LINGO2: variants seen among roughly 807,000 people sequenced by gnomAD.
LINGO2 encodes the protein leucine rich repeat and Ig domain containing 2, also known as leucine-rich repeat and immunoglobulin-like domain-containing nogo receptor-interacting protein 2.
Under a neutral mutation model 30.6 loss-of-function variants are expected in LINGO2, and 14 were observed. That is an observed-to-expected ratio of 0.46 (90% confidence interval 0.30 to 0.72). LINGO2 has a LOEUF of 0.72. Among genes scored for constraint, LINGO2 ranks in the 30% least tolerant of loss-of-function variants. The probability of loss-of-function intolerance (pLI) is 0.07; values close to 1 mark genes in which losing one functional copy is unlikely to be tolerated. For synonymous variants in LINGO2, 317 were observed against 288.5 expected (o/e 1.10, Z -1.00); for missense variants, 729 against 751.7 (o/e 0.97, Z 0.35).
At chr9:28,018,751 G>A (rs1822965881) in intron 4 of LINGO2, among the ~76,000 whole-genome samples, 1 of 152,150 alleles carries the variant, frequency 6.6e-6, no homozygotes, top group Admixed American at 6.6e-5. Flanking sequence ...TGGGGGGAAT[G>A]TAAATTAGTT....
At chr9:29,049,096 C>T in the LINGO2 span, among the ~76,000 whole-genome samples, 10 of 151,996 alleles carry the variant, frequency 6.6e-5, no homozygotes, top group Non-Finnish European at 1.5e-5. Context: ...CCAGAATATA[C>T]AAGGAGTTTA....
At chr9:28,221,299 A>C (rs1240291783) in intron 4 of LINGO2, among the ~76,000 whole-genome samples, 1 of 4,686 alleles carries the variant, frequency 2.1e-4, no homozygotes. Flanking sequence ...GACCCCGTCT[A>C]AAAAAAAAAA....
At chr9:28,241,128 G>T (rs1279055995) in intron 4 of LINGO2, among the ~76,000 whole-genome samples, 1 of 151,832 alleles carries the variant, frequency 6.6e-6, no homozygotes, top group East Asian at 1.9e-4. Context: ...CATTAGCTGG[G>T]TGTGATGGTG....
chr9:28,755,645 T>C, the LINGO2 span, among the ~76,000 whole-genome samples: 1 of 152,260 alleles, frequency 6.6e-6, no homozygotes, highest in Admixed American at 6.5e-5. Context: ...GGAGATGTCA[T>C]CATGGCTTCC....
the LINGO2 span, among the ~76,000 whole-genome samples, chr9:29,084,361 C>T: frequency 6.6e-6 from 1 of 152,038 alleles, no homozygotes; most frequent in African/African-American, 2.4e-5. Context: ...CTGTCTTGAA[C>T]AGACAGTAAA....
chr9:28,706,913 C>T, the LINGO2 span, among the ~76,000 whole-genome samples: 24 of 151,988 alleles, frequency 1.6e-4, no homozygotes, highest in Non-Finnish European at 2.8e-4. Flanking sequence ...AACACTTTCT[C>T]GACACCCCAA....
chr9:28,691,167 G>T, the LINGO2 span, among the ~76,000 whole-genome samples: 1 of 152,048 alleles, frequency 6.6e-6, no homozygotes, highest in African/African-American at 2.4e-5. Context: ...TCTCTGATGG[G>T]GATATATCTC....
intron 5 of LINGO2, among the ~76,000 whole-genome samples, chr9:28,003,342 T>TATAGATATATAGATAG (rs1554653728): frequency 2.1e-5 from 3 of 141,642 alleles, no homozygotes; most frequent in Non-Finnish European, 4.5e-5. Flanking sequence ...TATATAGATA[T>TATAGATATATAGATAG]ATAGATAGAT....
intron 1 of LINGO2, among the ~76,000 whole-genome samples, chr9:28,587,811 G>A (rs1162960501): frequency 6.6e-6 from 1 of 151,870 alleles, no homozygotes; most frequent in African/African-American, 2.4e-5. Flanking sequence ...TGTGGACAGG[G>A]CCACATTTCC....
rs186608908 is a variant in LINGO2 at position 28,508,382 on chromosome 9, A to G, written c.-364-32357T>C. Among the ~76,000 whole-genome samples the G allele has an allele frequency of 2.4e-3, 372 of 152,250 alleles. 1 individual carries two copies. The highest frequency in any genetic ancestry group is 8.5e-3 in the African/African-American group (352 of 41,578). On this transcript the variant is annotated intron_variant, in intron 1 of 5. Coordinates refer to ENST00000379992, the Ensembl canonical transcript of LINGO2. ...CTCAGATGACTTATAACAGTATGTT[A>G]AGATGTCACCTTTAGGCATGCACTA...
At chr9:28,206,391 C>T (rs1489787764) in intron 4 of LINGO2, among the ~76,000 whole-genome samples, 1 of 151,938 alleles carries the variant, frequency 6.6e-6, no homozygotes, top group African/African-American at 2.4e-5. Context: ...TATGAAAATG[C>T]CTAGTTTGAT....
chr9:28,870,024 A>G, the LINGO2 span, among the ~76,000 whole-genome samples: 3 of 149,346 alleles, frequency 2.0e-5, no homozygotes, highest in South Asian at 2.1e-4. Context: ...TCAGAATCAG[A>G]AAAAAAAAAC....
At chr9:28,190,813 G>T (rs1165458586) in intron 4 of LINGO2, among the ~76,000 whole-genome samples, 2 of 152,134 alleles carry the variant, frequency 1.3e-5, no homozygotes, top group Non-Finnish European at 2.9e-5. Flanking sequence ...CAAGCCACTA[G>T]TCCAAACTAA....
chr9:28,908,156 TACACAC>T, the LINGO2 span, among the ~76,000 whole-genome samples: 2 of 150,392 alleles, frequency 1.3e-5, no homozygotes, highest in African/African-American at 2.4e-5. Context: ...CACACACACA[TACACAC>T]ACACACACAC....
At chr9:28,195,355 A>T (rs1006739672) in intron 4 of LINGO2, among the ~76,000 whole-genome samples, 1 of 135,258 alleles carries the variant, frequency 7.4e-6, no homozygotes, top group Non-Finnish European at 1.7e-5. Flanking sequence ...AAAAAATTCA[A>T]GAAAGTTGCC....
the LINGO2 span, among the ~76,000 whole-genome samples, chr9:29,146,539 T>C: frequency 6.6e-6 from 1 of 152,168 alleles, no homozygotes; most frequent in African/African-American, 2.4e-5. Flanking sequence ...ATTCATTCAA[T>C]AATTCTTATA....
At chr9:29,060,756 TA>T in the LINGO2 span, among the ~76,000 whole-genome samples, 1 of 151,318 alleles carries the variant, frequency 6.6e-6, no homozygotes, top group Non-Finnish European at 1.5e-5. Flanking sequence ...TGTTTGAAAT[TA>T]AAAAAAACTT....
the LINGO2 span, among the ~76,000 whole-genome samples, chr9:28,758,555 G>A: frequency 6.6e-6 from 1 of 151,952 alleles, no homozygotes; most frequent in Admixed American, 6.5e-5. Flanking sequence ...CTTCACAGTT[G>A]TCATCATCCC....
At chr9:28,248,744 T>G (rs1439887399) in intron 4 of LINGO2, among the ~76,000 whole-genome samples, 3 of 152,214 alleles carry the variant, frequency 2.0e-5, no homozygotes, top group Non-Finnish European at 4.4e-5. Flanking sequence ...TATATACAAC[T>G]ACTATGTATC....
Sources: allele counts gnomAD v4.1 joint callset (sites outside exome capture counted in the v4.1 genomes callset), GRCh38; gene constraint gnomAD v4.1.1; transcripts MANE v1.5; gene names NCBI Gene and HGNC (gene_info 2026-07-23, HGNC 2026-07-21).